LPA: variants seen among roughly 807,000 people sequenced by gnomAD.
LPA encodes the protein apolipoprotein(a).
A neutral mutation model predicts 197.9 loss-of-function variants in LPA; 199 were observed. The observed-to-expected ratio is 1.01, with a 90% CI of 0.90 to 1.13. LPA has a LOEUF of 1.13. LPA is among the 50% of genes most tolerant of loss of function. The pLI, the probability that LPA is intolerant of heterozygous loss-of-function variation, is 0.00. For missense variants in LPA, 1,853 were observed against 1,785.8 expected (o/e 1.04, Z -0.68); for synonymous variants, 715 against 639.5 (o/e 1.12, Z -1.78).
chr6:160,567,793 TA>T (rs1562324514), intron 28 of LPA, among the ~76,000 whole-genome samples: 1 of 151,872 alleles, frequency 6.6e-6, no homozygotes, highest in Non-Finnish European at 1.5e-5. Context: ...ATAGATGCAA[TA>T]AAAAATGATA....
In LPA at chr6:160,647,135, C is replaced by G. The variant is rs567032523; in HGVS notation, c.210-740G>C. 7.9e-5 allele frequency among the ~76,000 whole-genome samples: 12 copies of G among 152,296 alleles called. 1 individual carries two copies. The South Asian group carries it at 2.3e-3, about 29-fold the overall frequency. On this transcript the variant is annotated intron_variant, in intron 2 of 38. Transcript: ENST00000316300. ...ACCTTCTCTCCTGCTCTCAGTCTAT[C>G]CTCTGCTGTCCACAGCCACTCCAGA...
intron 29 of LPA, 104 bp from the exon 30 acceptor site, chr6:160,556,288 C>T (rs548983715): frequency 7.9e-6 from 8 of 1,007,442 alleles, no homozygotes; most frequent in African/African-American, 6.3e-5. Context: ...TGACTGTTCT[C>T]TTTAGTATAC....
intron 28 of LPA, among the ~76,000 whole-genome samples, chr6:160,576,651 T>C (rs1452603031): frequency 1.4e-5 from 2 of 142,290 alleles, no homozygotes; most frequent in East Asian, 4.1e-4. Flanking sequence ...TTCAGACATA[T>C]ATATAAATAT....
chr6:160,584,200 C>T (rs1453771065), intron 26 of LPA, among the ~76,000 whole-genome samples: 1 of 116,504 alleles, frequency 8.6e-6, no homozygotes, highest in South Asian at 3.7e-4. Context: ...TCTTCTTCTT[C>T]TTCTTCTTCT....
intron 24 of LPA, among the ~76,000 whole-genome samples, chr6:160,588,523 C>T (rs780824076): frequency 6.6e-6 from 1 of 152,170 alleles, no homozygotes; most frequent in African/African-American, 2.4e-5. Context: ...TGTTCCCCTG[C>T]AGTTGTTCTT....
chr6:160,565,170 A>C (rs919364378), intron 28 of LPA, among the ~76,000 whole-genome samples: 1 of 152,170 alleles, frequency 6.6e-6, no homozygotes, highest in Non-Finnish European at 1.5e-5. Flanking sequence ...CTTTGAAGAG[A>C]GTAGTGGTTC....
chr6:160,568,142 G>A (rs1778494122), intron 28 of LPA, among the ~76,000 whole-genome samples: 1 of 152,136 alleles, frequency 6.6e-6, no homozygotes, highest in Non-Finnish European at 1.5e-5. Context: ...CATTTTATGA[G>A]GCCAGCATCA....
At chr6:160,652,388 A>T (rs1242439265) in intron 1 of LPA, among the ~76,000 whole-genome samples, 1 of 152,158 alleles carries the variant, frequency 6.6e-6, no homozygotes, top group Non-Finnish European at 1.5e-5. Flanking sequence ...ATAATGGAAC[A>T]TCATTGTTAA....
chr6:160,600,476 C>A (rs1779216792), intron 19 of LPA, among the ~76,000 whole-genome samples: 1 of 152,080 alleles, frequency 6.6e-6, no homozygotes. Context: ...TTAATGCAAC[C>A]CAGTTAGGTT....
At chr6:160,656,516 A>G (rs998419076) in intron 1 of LPA, among the ~76,000 whole-genome samples, 20 of 152,186 alleles carry the variant, frequency 1.3e-4, no homozygotes, top group African/African-American at 4.8e-4. Context: ...ATAAGCCCCT[A>G]CTTTAACTGG....
intron 18 of LPA, 59 bp from the exon 19 acceptor site, chr6:160,601,157 A>G (rs988600417): frequency 1.3e-6 from 2 of 1,510,754 alleles, no homozygotes; most frequent in East Asian, 2.3e-5. Flanking sequence ...GGAACACTGT[A>G]TATTTTGCTA....
chr6:160,657,398 C>CT (rs56850029), intron 1 of LPA, among the ~76,000 whole-genome samples: 73,713 of 134,542 alleles, frequency 0.55, 20,494 homozygotes, highest in Admixed American at 0.62. Context: ...ACTATTATAA[C>CT]TTTTTTTTTT....
At chr6:160,601,989 C>T (rs1779250400) in intron 18 of LPA, among the ~76,000 whole-genome samples, 1 of 152,316 alleles carries the variant, frequency 6.6e-6, no homozygotes, top group African/African-American at 2.4e-5. Context: ...TCAGAGCATT[C>T]ACTCCTCCTT....
chr6:160,548,386 C>T (rs2115004123), intron 31 of LPA, 92 bp downstream of exon 31: 1 of 1,314,168 alleles, frequency 7.6e-7, no homozygotes, highest in East Asian at 2.3e-5. Flanking sequence ...CTAAAGGCTT[C>T]TGCATCAGTG....
At chr6:160,557,011 C>T (rs1047554147) in intron 29 of LPA, among the ~76,000 whole-genome samples, 1 of 152,110 alleles carries the variant, frequency 6.6e-6, no homozygotes, top group African/African-American at 2.4e-5. Context: ...GGCCACATAC[C>T]TCAGCAACTG....
chr6:160,607,096 A>G (rs1454553847), intron 16 of LPA, among the ~76,000 whole-genome samples: 1 of 152,014 alleles, frequency 6.6e-6, no homozygotes. Context: ...TCTAATGTGC[A>G]AGTTGCAACT....
intron 28 of LPA, among the ~76,000 whole-genome samples, chr6:160,566,246 G>A (rs1441268219): frequency 6.6e-6 from 1 of 152,088 alleles, no homozygotes; most frequent in Non-Finnish European, 1.5e-5. Flanking sequence ...CACCAGAAAG[G>A]TCGGGTTACC....
intron 30 of LPA, among the ~76,000 whole-genome samples, chr6:160,554,733 C>A (rs931993996): frequency 3.9e-5 from 6 of 151,982 alleles, no homozygotes; most frequent in African/African-American, 9.7e-5. Context: ...TGTGCATATG[C>A]AGTTTATATT....
intron 28 of LPA, among the ~76,000 whole-genome samples, chr6:160,563,178 T>C (rs1778391568): frequency 6.6e-6 from 1 of 152,246 alleles, no homozygotes; most frequent in Admixed American, 6.5e-5. Flanking sequence ...ATTTTAGATC[T>C]TTCCCGCTTT....
Sources: gnomAD v4.1 joint callset for allele counts (sites outside exome capture counted in the v4.1 genomes callset) on GRCh38, gnomAD v4.1.1 for gene constraint, MANE v1.5 for transcripts, NCBI Gene and HGNC (gene_info 2026-07-23, HGNC 2026-07-21) for gene names.